The following PALM variants were observed in gnomAD, a reference collection of about 807,000 sequenced individuals.
The protein encoded by PALM is paralemmin-1.
PALM carries 18 observed loss-of-function variants against 30.7 expected under a neutral mutation model. The observed-to-expected ratio is 0.59, with a 90% CI of 0.41 to 0.87. The LOEUF (loss-of-function observed/expected upper bound fraction) is 0.87, where lower values mean the gene tolerates loss of function less well. PALM is among the 40% of genes least tolerant of loss of function. PALM has a pLI of 0.00. For synonymous variants in PALM, 286 were observed against 242.8 expected, an observed-to-expected ratio of 1.18 and a Z score of -1.66; for missense variants, 529 against 555.4, an observed-to-expected ratio of 0.95 and a Z score of 0.48.
intron 1 of PALM, among the ~76,000 whole-genome samples, chr19:722,132 A>G (rs930693738): frequency 1.1e-4 from 16 of 147,932 alleles, no homozygotes; most frequent in Middle Eastern, 4.0e-3. Context: ...GTTAGCCAGG[A>G]TGGTCTCGAT....
chr19:746,601 G>T lies in PALM; in HGVS notation c.951G>T (p.Val317=), dbSNP rs778899272. The change falls in exon 9 of 9, where the codon GTG becomes GTT. Residue 317 remains valine, a synonymous_variant. Coordinates refer to ENST00000338448, the MANE Select transcript of PALM (RefSeq NM_002579.3). This position sits in a 1 kb window ranked among gnomAD's most constrained non-coding sequence, Gnocchi z 7.1. ...AGGATGAGGCCGAGACCAAGAAGGT[G>T]CTGGGCCTTCAAGATACCATCACGG... is the stretch of plus-strand genomic sequence containing the variant. ...NVEDEAETKK[V]LGLQDTITAE... is the part of the protein sequence containing the mutation. 4.3e-6 allele frequency: 7 copies of T among 1,613,324 alleles called. No homozygotes were observed. Among genetic ancestry groups the T allele is most frequent in the Non-Finnish European group, 5.9e-6 (7 of 1,179,836 alleles).
At position 746,863 on chromosome 19, in the gene PALM, A is replaced by T; in HGVS notation, c.*49A>T. The T allele has an allele frequency of 8.9e-7, 1 of 1,121,918 alleles. No homozygotes were observed. Among genetic ancestry groups the T allele is most frequent in the Non-Finnish European group, 1.2e-6 (1 of 841,630 alleles). 69.5% of individuals were successfully genotyped at this position (1,121,918 alleles called of 1,614,324 possible). A position where few individuals can be genotyped will look rare whatever the true frequency, so the allele number is the denominator to read the frequency against. On this transcript the variant is annotated 3_prime_UTR_variant, in exon 9 of 9. Transcript: ENST00000338448. The surrounding 1 kb of genome is among the most constrained non-coding windows in gnomAD (Gnocchi z 7.1). ...CCACCCCACACCACAGACACCCACC[A>T]GCCCGGCCCCTCCCGGCGCCTGCCC...
chr19:744,885 CAA>C (rs796441701), intron 8 of PALM, among the ~76,000 whole-genome samples: 2 of 100,058 alleles, frequency 2.0e-5, no homozygotes, highest in Admixed American at 1.1e-4. Context: ...CAGAGGGAGT[CAA>C]AAAAAAAAAG....
chr19:719,417 G>A, intron 1 of PALM: 1 of 985,386 alleles, frequency 1.0e-6, no homozygotes, highest in South Asian at 4.7e-5. Flanking sequence ...CGCCCACACC[G>A]CCACACGCCG....
At chr19:728,196 G>A (rs2032754213) in intron 4 of PALM, among the ~76,000 whole-genome samples, 1 of 152,212 alleles carries the variant, frequency 6.6e-6, no homozygotes, top group Admixed American at 6.5e-5. Flanking sequence ...AAGGGGACAG[G>A]ATGGGGAAAG....
rs776380325 is a variant in PALM at position 727,644 on chromosome 19, G to C, written c.219G>C (p.Gln73His). 1.9e-6 allele frequency: 3 copies of C among 1,571,658 alleles called. No individual in the cohort carries two copies. The highest frequency in any genetic ancestry group is 1.2e-5 in the South Asian group (1 of 85,676). The change falls in exon 4 of 9, where the codon CAG becomes CAC. Residue 73 changes from glutamine to histidine, a missense_variant. Physicochemically the swap from Gln to His is conservative, Grantham distance 24. Transcript: ENST00000338448. ...AGGGGGATGAGGACCTGAGGAGGCA[G>C]ATGCAGGACGACGAGCAGAAGACAC... is the stretch of plus-strand genomic sequence containing the variant. ...ASEGDEDLRR[Q>H]MQDDEQKTRL...
At position 709,391 on chromosome 19, in the gene PALM, G is replaced by T. The variant is rs143395464; in HGVS notation, c.5+240G>T. Among the ~76,000 whole-genome samples, 3 of 151,490 alleles carry T rather than the reference G, an allele frequency of 2.0e-5. No homozygotes were observed. The highest frequency in any genetic ancestry group is 4.4e-5 in the Non-Finnish European group (3 of 67,752). ...CCCACCCACCGGCGCGTGGGGACCCGGGCAGCGGCGGCTCGGGCCAGTCCA... is the reference window on the plus strand; with the variant it reads ...CCCACCCACCGGCGCGTGGGGACCCTGGCAGCGGCGGCTCGGGCCAGTCCA... On this transcript the variant is annotated intron_variant, in intron 1 of 8. Transcript: ENST00000338448. The surrounding 1 kb of genome is among the most constrained non-coding windows in gnomAD (Gnocchi z 4.3).
chr19:746,636 T>C lies in PALM; in HGVS notation c.986T>C (p.Val329Ala), dbSNP rs2033351978. The C allele has an allele frequency of 1.9e-6, 3 of 1,612,660 alleles. No homozygotes were observed. The highest frequency in any genetic ancestry group is 2.5e-6 in the Non-Finnish European group (3 of 1,179,824). ...GLQDTITAELVVIEDAAEPKE... is the reference protein window; with the variant it reads ...GLQDTITAELAVIEDAAEPKE... Reference sequence around the variant, plus strand: ...CAAGATACCATCACGGCGGAGCTGGTGGTCATCGAAGACGCGGCTGAGCCC... The same window carrying C: ...CAAGATACCATCACGGCGGAGCTGGCGGTCATCGAAGACGCGGCTGAGCCC... Residue 329 changes from valine to alanine, a missense_variant, in exon 9 of 9, where the codon GTG becomes GCG. Coordinates refer to ENST00000338448, the MANE Select transcript of PALM (RefSeq NM_002579.3). This position sits in a 1 kb window ranked among gnomAD's most constrained non-coding sequence, Gnocchi z 7.1.
chr19:731,476 C>T (rs2032872555), intron 5 of PALM, among the ~76,000 whole-genome samples: 2 of 147,036 alleles, frequency 1.4e-5, no homozygotes, highest in Non-Finnish European at 3.0e-5. Flanking sequence ...GTAATCAGAG[C>T]AGCCACCGCT....
chr19:709,180 T>TG lies in PALM; in HGVS notation c.5+34dup. 3.3e-6 allele frequency: 1 copy of TG among 304,674 alleles called. No individual in the cohort carries two copies. The highest frequency in any genetic ancestry group is 1.5e-4 in the South Asian group (1 of 6,880). The allele number at this position is 304,674 out of a possible 1,614,324, so 18.9% of individuals were successfully genotyped here. On this transcript the variant is annotated intron_variant, in intron 1 of 8. Transcript: ENST00000338448. The surrounding 1 kb of genome is among the most constrained non-coding windows in gnomAD (Gnocchi z 4.3). The stretch of plus-strand genomic sequence containing the variant: ...AGTAGGCGCGCTCGGGCCGCGGGGC[T>TG]GGGGGCCCGGAGCTCCGGGAGCCGG...
intron 1 of PALM, chr19:719,266 C>G: frequency 1.0e-6 from 1 of 985,466 alleles, no homozygotes; most frequent in Non-Finnish European, 1.2e-6. Flanking sequence ...GTTGCGTAAC[C>G]TCTCTGGGCC....
chr19:738,084 G>T (rs1260912653), intron 7 of PALM, among the ~76,000 whole-genome samples: 3 of 152,126 alleles, frequency 2.0e-5, no homozygotes, highest in Non-Finnish European at 4.4e-5. Flanking sequence ...AGGGTTTGAG[G>T]AGAAACGAGG....
chr19:710,337 C>G (rs1296013475), intron 1 of PALM, among the ~76,000 whole-genome samples: 7 of 152,196 alleles, frequency 4.6e-5, no homozygotes, highest in Non-Finnish European at 1.0e-4. Context: ...GGCCTGACCC[C>G]TCTCCCCGTC....
At chr19:723,735 T>A (rs1015840448) in intron 1 of PALM, among the ~76,000 whole-genome samples, 1 of 152,110 alleles carries the variant, frequency 6.6e-6, no homozygotes, top group African/African-American at 2.4e-5. Flanking sequence ...GTTTTACAGG[T>A]GCCTGCCATC....
intron 6 of PALM, 114 bp downstream of exon 6, chr19:734,308 C>G (rs1222470339): frequency 9.8e-7 from 1 of 1,017,620 alleles, no homozygotes; most frequent in Non-Finnish European, 1.5e-6. Context: ...GCCTGTGATC[C>G]CAGCACTTTG....
intron 1 of PALM, among the ~76,000 whole-genome samples, chr19:725,837 C>T (rs981673909): frequency 3.3e-5 from 5 of 152,156 alleles, no homozygotes; most frequent in African/African-American, 9.7e-5. Context: ...CCGAAACACC[C>T]TTCTCTGGCC....
Position 746,263 on chromosome 19 carries a change from C to G in PALM, c.635-22C>G, listed in dbSNP as rs763081019. The G allele has an allele frequency of 1.2e-6, 2 of 1,602,630 alleles. No homozygotes were observed. The highest frequency in any genetic ancestry group is 2.2e-5 in the East Asian group (1 of 44,830). The stretch of plus-strand genomic sequence containing the variant: ...CCCTCCTGCCTGGAGCTGGGTCATT[C>G]TCTCTGTCTCTCCTTGTACAGTGGT... On this transcript the variant is annotated intron_variant, in intron 8 of 8. Transcript: ENST00000338448. The surrounding 1 kb of genome is among the most constrained non-coding windows in gnomAD (Gnocchi z 7.1).
At chr19:712,605 A>G (rs536559177) in intron 1 of PALM, among the ~76,000 whole-genome samples, 8 of 151,562 alleles carry the variant, frequency 5.3e-5, no homozygotes, top group Middle Eastern at 3.4e-3. Context: ...GGATGGTCTC[A>G]ATCTCCTGAC....
At chr19:727,191 A>ACCCTGACCCTGCCTCCAG (rs1427470834) in intron 3 of PALM, 103 bp downstream of exon 3, 18 of 667,902 alleles carry the variant, frequency 2.7e-5, no homozygotes, top group Non-Finnish European at 4.0e-5. Flanking sequence ...TCCCAACCTG[A>ACCCTGACCCTGCCTCCAG]CCCTGACCCT....
Sources: allele counts gnomAD v4.1 joint callset (sites outside exome capture counted in the v4.1 genomes callset), GRCh38; gene constraint gnomAD v4.1.1; non-coding constraint Gnocchi (gnomAD v3.1); transcripts MANE v1.5; gene names NCBI Gene and HGNC (gene_info 2026-07-23, HGNC 2026-07-21).